The following ACER2 variants were observed in gnomAD, a reference collection of about 807,000 sequenced individuals.
ACER2 encodes alkaline ceramidase 2, also known as alkCDase 2.
A neutral mutation model predicts 34.7 loss-of-function variants in ACER2; 26 were observed. The ratio of observed to expected loss-of-function variants is 0.75; its 90% CI spans 0.55 to 1.04. The LOEUF is 1.04. ACER2 is among the 50% of genes least tolerant of loss of function. The probability of loss-of-function intolerance (pLI) is 0.00; values close to 1 mark genes in which losing one functional copy is unlikely to be tolerated. For synonymous variants in ACER2, 138 were observed against 132.1 expected (o/e 1.04, Z -0.31); for missense variants, 352 against 340.8 (o/e 1.03, Z -0.26).
At chr9:19,431,648 G>A (rs532282472) in intron 3 of ACER2, among the ~76,000 whole-genome samples, 81 of 152,296 alleles carry the variant, frequency 5.3e-4, no homozygotes, top group African/African-American at 1.9e-3. Context: ...AAGAACAGCA[G>A]CCGAGGCCAG....
At chr9:19,428,754 T>C (rs1442689175) in intron 3 of ACER2, among the ~76,000 whole-genome samples, 1 of 150,232 alleles carries the variant, frequency 6.7e-6, no homozygotes, top group Non-Finnish European at 1.5e-5. Flanking sequence ...GTGGTTATTA[T>C]GAATGGCTTA....
chr9:19,433,149 C>CTTTTTTTTTTTTTTTTT (rs57915019), intron 3 of ACER2, among the ~76,000 whole-genome samples: 3 of 61,308 alleles, frequency 4.9e-5, no homozygotes, highest in Non-Finnish European at 9.0e-5. Flanking sequence ...GTGTGAGTGG[C>CTTTTTTTTTTTTTTTTT]TTTTTTTTTT....
intron 1 of ACER2, among the ~76,000 whole-genome samples, chr9:19,419,478 A>G (rs1024183256): frequency 1.3e-5 from 2 of 152,130 alleles, no homozygotes; most frequent in Non-Finnish European, 2.9e-5. Flanking sequence ...AAGTGAACCA[A>G]CTAAAGGCTG....
chr9:19,441,693 T>C (rs1239084485), intron 4 of ACER2, among the ~76,000 whole-genome samples: 3 of 152,210 alleles, frequency 2.0e-5, no homozygotes, highest in Non-Finnish European at 4.4e-5. Context: ...TTTTGTTTGT[T>C]GTCTGTCCCC....
rs747867954 is a variant in ACER2, at chr9:19,424,690, T to A, written c.224-10T>A. Reference sequence around the variant, plus strand: ...GGTGACCTTTTTTTATTGGTTGTAATTGATTCTAGGAATTGGATCCGTCTA... The same window carrying A: ...GGTGACCTTTTTTTATTGGTTGTAAATGATTCTAGGAATTGGATCCGTCTA... On this transcript the variant is annotated splice_polypyrimidine_tract_variant and intron_variant, in intron 2 of 5. Transcript: ENST00000340967. 6.2e-7 allele frequency: 1 copy of A among 1,612,806 alleles called. No homozygotes were observed. Among genetic ancestry groups the A allele is most frequent in the Non-Finnish European group, 8.5e-7 (1 of 1,179,956 alleles).
intron 1 of ACER2, among the ~76,000 whole-genome samples, chr9:19,420,809 G>C (rs1417005024): frequency 6.6e-6 from 1 of 152,184 alleles, no homozygotes; most frequent in Non-Finnish European, 1.5e-5. Flanking sequence ...TTCAAAGACG[G>C]AGTATATGCT....
At chr9:19,433,021 T>G (rs1328204916) in intron 3 of ACER2, among the ~76,000 whole-genome samples, 1 of 151,990 alleles carries the variant, frequency 6.6e-6, no homozygotes, top group Non-Finnish European at 1.5e-5. Flanking sequence ...TATCCATATC[T>G]CACCTTCAGT....
intron 3 of ACER2, among the ~76,000 whole-genome samples, chr9:19,431,584 G>A (rs1483252015): frequency 1.3e-5 from 2 of 152,238 alleles, no homozygotes; most frequent in Non-Finnish European, 2.9e-5. Context: ...TGCACGTGAT[G>A]GCTGTGGGCC....
chr9:19,421,388 A>G (rs1253199126), intron 1 of ACER2, among the ~76,000 whole-genome samples: 1 of 152,234 alleles, frequency 6.6e-6, no homozygotes. Context: ...TATCCTTTCA[A>G]TGGAATGTTA....
At chr9:19,449,029 T>C (rs896307320) in intron 5 of ACER2, among the ~76,000 whole-genome samples, 2 of 152,030 alleles carry the variant, frequency 1.3e-5, no homozygotes, top group Non-Finnish European at 2.9e-5. Context: ...ATTTGGGAGG[T>C]TGAGGCAGGA....
At chr9:19,445,123 C>A (rs930596461) in intron 4 of ACER2, among the ~76,000 whole-genome samples, 6 of 152,192 alleles carry the variant, frequency 3.9e-5, no homozygotes, top group African/African-American at 1.4e-4. Flanking sequence ...GTGGTCCCCT[C>A]CGGGAAGAAG....
chr9:19,445,884 A>G (rs1188891757), intron 4 of ACER2, among the ~76,000 whole-genome samples: 1 of 152,148 alleles, frequency 6.6e-6, no homozygotes, highest in Non-Finnish European at 1.5e-5. Flanking sequence ...ATGGATCTAG[A>G]TGGAGGTGGT....
intron 1 of ACER2, among the ~76,000 whole-genome samples, chr9:19,414,832 C>T (rs1411662598): frequency 3.6e-5 from 5 of 140,428 alleles, no homozygotes; most frequent in African/African-American, 8.3e-5. Context: ...GCTGACAGAG[C>T]GAGACTCCGC....
At position 19,444,217 on chromosome 9, in the gene ACER2, G is replaced by GTT. The variant is rs774098696; in HGVS notation, c.504-2053_504-2052dup. ...CGCAAAAAAAAAAAATCTCATAATG[G>GTT]TTTTTTTTTTTTGAGACGGAGTCTT... On this transcript the variant is annotated intron_variant, in intron 4 of 5. Coordinates refer to ENST00000340967, the MANE Select transcript of ACER2 (RefSeq NM_001010887.3). Among the ~76,000 whole-genome samples, 83 of 141,218 alleles carry GTT rather than the reference G, an allele frequency of 5.9e-4. 1 individual carries two copies. Among genetic ancestry groups the GTT allele is most frequent in the African/African-American group, 2.1e-3 (80 of 37,844 alleles). 92.6% of individuals were successfully genotyped at this position (141,218 alleles called of 152,430 possible).
chr9:19,413,175 C>T (rs919566190), intron 1 of ACER2, among the ~76,000 whole-genome samples: 1 of 152,264 alleles, frequency 6.6e-6, no homozygotes, highest in Non-Finnish European at 1.5e-5. Flanking sequence ...TCATCCTTTG[C>T]TTCAGCCAAG....
chr9:19,416,382 TG>T lies in ACER2; in HGVS notation c.108+7194del, dbSNP rs1030597046. On this transcript the variant is annotated intron_variant, in intron 1 of 5. Transcript: ENST00000340967. ...GAGGTCAGAATGTGGTTGAATGAGTTGGGGTTGAAAATCAGCTGGGAGCAGT... is the reference window on the plus strand; with the variant it reads ...GAGGTCAGAATGTGGTTGAATGAGTTGGGTTGAAAATCAGCTGGGAGCAGT... Among the ~76,000 whole-genome samples the T allele has an allele frequency of 2.6e-5, 4 of 152,186 alleles. No homozygotes were observed. The South Asian group carries it at 8.3e-4, about 32-fold the overall frequency.
At chr9:19,423,440 C>G (rs572891669) in intron 1 of ACER2, among the ~76,000 whole-genome samples, 95 of 152,292 alleles carry the variant, frequency 6.2e-4, no homozygotes, top group African/African-American at 2.2e-3. Context: ...GTGGCTTATG[C>G]CTGCAATCCC....
At position 19,437,162 on chromosome 9, in the gene ACER2, C is replaced by T. The variant is rs1831004266; in HGVS notation, c.503+2078C>T. ...TCCATCCTCGTCTCTTTCCTGAAGT[C>T]CAGTTTCATATTCCCAGCTATCTGC... On this transcript the variant is annotated intron_variant, in intron 4 of 5. Coordinates refer to ENST00000340967, the MANE Select transcript of ACER2 (RefSeq NM_001010887.3). Among the ~76,000 whole-genome samples the T allele has an allele frequency of 2.0e-5, 3 of 152,322 alleles. No homozygotes were observed. In the South Asian group the frequency reaches 6.2e-4, roughly 32 times the overall value.
rs57990235 is a variant in ACER2, at chr9:19,438,435, G to C, written c.503+3351G>C. On this transcript the variant is annotated intron_variant, in intron 4 of 5. Transcript: ENST00000340967. The stretch of plus-strand genomic sequence containing the variant: ...TAATGTGCCTTGGGTGAAGATGTTA[G>C]TTGAAGTGACTTCTCTGCCGTGTTT... Among the ~76,000 whole-genome samples the C allele has an allele frequency of 5.3e-3, 807 of 152,282 alleles. 6 individuals carry two copies. Among genetic ancestry groups the C allele is most frequent in the African/African-American group, 0.019 (769 of 41,544 alleles).
Sources: allele counts gnomAD v4.1 joint callset (sites outside exome capture counted in the v4.1 genomes callset), GRCh38; gene constraint gnomAD v4.1.1; transcripts MANE v1.5; gene names NCBI Gene and HGNC (gene_info 2026-07-23, HGNC 2026-07-21).